ACTL8: variants seen among roughly 807,000 people sequenced by gnomAD.
The protein encoded by ACTL8 is actin like 8, also known as actin-like protein 8.
In ACTL8, 3 loss-of-function variants were observed where a neutral mutation model predicts 9.3. The observed-to-expected ratio is 0.32, with a 90% confidence interval of 0.15 to 0.83. ACTL8 has a LOEUF of 0.83. ACTL8 is among the 40% of genes least tolerant of loss of function. The pLI is 0.57. For synonymous variants in ACTL8, 224 were observed against 205.9 expected, an observed-to-expected ratio of 1.09 and a Z score of -0.75; for missense variants, 381 against 492.2, an observed-to-expected ratio of 0.77 and a Z score of 2.14.
chr1:17,775,698 T>C (rs1457805302), intron 1 of ACTL8, among the ~76,000 whole-genome samples: 2 of 152,170 alleles, frequency 1.3e-5, no homozygotes, highest in Admixed American at 6.5e-5. Flanking sequence ...CTTGAAACGC[T>C]CTTGAGCTTT....
At chr1:17,825,145 C>A (rs2053703445) in intron 2 of ACTL8, among the ~76,000 whole-genome samples, 1 of 152,110 alleles carries the variant, frequency 6.6e-6, no homozygotes, top group Admixed American at 6.5e-5. Context: ...GGGACTCTGG[C>A]AAACCCTAAA....
intron 1 of ACTL8, among the ~76,000 whole-genome samples, chr1:17,808,581 C>A (rs1211637757): frequency 6.6e-6 from 1 of 152,172 alleles, no homozygotes; most frequent in Non-Finnish European, 1.5e-5. Context: ...TGATACTATG[C>A]CCTCATCATT....
At position 17,800,583 on chromosome 1, in the gene ACTL8, CTTTTTTTT is replaced by C. The variant is rs59143238; in HGVS notation, c.-24-22382_-24-22375del. Among the ~76,000 whole-genome samples, 496 of 69,134 alleles carry C rather than the reference CTTTTTTTT, an allele frequency of 7.2e-3. 7 individuals are homozygous for C. The highest frequency in any genetic ancestry group is 0.029 in the African/African-American group (452 of 15,464). The allele number at this position is 69,134 out of a possible 152,430, so 45.4% of individuals were successfully genotyped here. A position where few individuals can be genotyped will look rare whatever the true frequency, so the allele number is the denominator to read the frequency against. The stretch of plus-strand genomic sequence containing the variant: ...CAAACTTCCTTGCCTTGGTGTCAAT[CTTTTTTTT>C]TTTTTTTTTTTTTTTTTTTGAGACA... On this transcript the variant is annotated intron_variant, in intron 1 of 2. Coordinates refer to ENST00000375406, the MANE Select transcript of ACTL8 (RefSeq NM_030812.3).
chr1:17,783,608 G>T (rs1407482144), intron 1 of ACTL8, among the ~76,000 whole-genome samples: 1 of 152,156 alleles, frequency 6.6e-6, no homozygotes, highest in Non-Finnish European at 1.5e-5. Flanking sequence ...TGGCCTCCTT[G>T]TGTGTCCCTG....
At chr1:17,818,596 G>A (rs531696970) in intron 1 of ACTL8, among the ~76,000 whole-genome samples, 1 of 152,320 alleles carries the variant, frequency 6.6e-6, no homozygotes, top group South Asian at 2.1e-4. Flanking sequence ...CAGGGCCTTT[G>A]CACTTGTTGT....
At chr1:17,757,436 G>C (rs1028597926) in intron 1 of ACTL8, among the ~76,000 whole-genome samples, 3 of 152,148 alleles carry the variant, frequency 2.0e-5, no homozygotes, top group Non-Finnish European at 4.4e-5. Flanking sequence ...GTTGGACTCT[G>C]ATGAAACTGA....
Position 17,826,241 on chromosome 1 carries a change from GC to G in ACTL8, c.825del (p.Ile276LeufsTer20). Reference protein sequence around the residue: ...FEQPGPSIPRAIVESVESCEI... With the variant: ...FEQPGPSIPRXIVESVESCEI... ...GCAGCCGGGGCCCAGCATCCCACGGGCCATTGTGGAATCCGTGGAGTCCTGC... is the reference window on the plus strand; with the variant it reads ...GCAGCCGGGGCCCAGCATCCCACGGGCATTGTGGAATCCGTGGAGTCCTGC... On this transcript the variant is annotated frameshift_variant, in exon 3 of 3. Coordinates refer to ENST00000375406, the MANE Select transcript of ACTL8 (RefSeq NM_030812.3). LOFTEE classifies it low-confidence loss of function (END_TRUNC). The surrounding 1 kb of genome is among the most constrained non-coding windows in gnomAD (Gnocchi z 4.5). 6.2e-7 allele frequency: 1 copy of G among 1,613,376 alleles called. No homozygotes were observed. Among genetic ancestry groups the G allele is most frequent in the Middle Eastern group, 1.7e-4 (1 of 6,056 alleles).
intron 1 of ACTL8, among the ~76,000 whole-genome samples, chr1:17,794,449 C>T (rs769803246): frequency 6.6e-6 from 1 of 152,184 alleles, no homozygotes; most frequent in African/African-American, 2.4e-5. Context: ...ATCAGTTACA[C>T]CATCCCCTCT....
intron 1 of ACTL8, among the ~76,000 whole-genome samples, chr1:17,805,509 G>A (rs1416878337): frequency 6.7e-6 from 1 of 149,524 alleles, no homozygotes; most frequent in South Asian, 2.1e-4. Flanking sequence ...AGCCTCCCAA[G>A]TAGCTGGCCT....
intron 1 of ACTL8, among the ~76,000 whole-genome samples, chr1:17,815,707 C>T (rs2066422056): frequency 6.6e-6 from 1 of 152,144 alleles, no homozygotes; most frequent in Non-Finnish European, 1.5e-5. Context: ...TTGTCTTTGA[C>T]CAAATTTGGG....
intron 1 of ACTL8, among the ~76,000 whole-genome samples, chr1:17,763,330 C>G (rs1293595529): frequency 1.3e-5 from 2 of 151,740 alleles, no homozygotes; most frequent in Admixed American, 1.3e-4. Context: ...ACCTCGCTTT[C>G]AGACCGTAGA....
At chr1:17,758,991 C>T (rs1163575204) in intron 1 of ACTL8, among the ~76,000 whole-genome samples, 2 of 152,154 alleles carry the variant, frequency 1.3e-5, no homozygotes, top group Non-Finnish European at 2.9e-5. Context: ...ATGACGACTC[C>T]TGGGCCTATT....
At chr1:17,817,140 A>G (rs2066431207) in intron 1 of ACTL8, among the ~76,000 whole-genome samples, 1 of 148,696 alleles carries the variant, frequency 6.7e-6, no homozygotes, top group Admixed American at 6.7e-5. Flanking sequence ...AAGGAGGCTT[A>G]CTTCATCCTG....
At chr1:17,757,509 G>A (rs991261731) in intron 1 of ACTL8, among the ~76,000 whole-genome samples, 2 of 119,978 alleles carry the variant, frequency 1.7e-5, no homozygotes, top group Non-Finnish European at 3.2e-5. Context: ...TTATCAAGTG[G>A]AAATACCTTT....
chr1:17,795,662 A>G (rs544671412), intron 1 of ACTL8, among the ~76,000 whole-genome samples: 1 of 152,340 alleles, frequency 6.6e-6, no homozygotes, highest in Admixed American at 6.5e-5. Flanking sequence ...GGGAGGCAGT[A>G]AAACTGAAAT....
chr1:17,826,071 TG>T lies in ACTL8; in HGVS notation c.658del (p.Glu220ArgfsTer29). 2 of 1,607,744 alleles carry T rather than the reference TG, an allele frequency of 1.2e-6. No homozygotes were observed. ...AACAAGTGCTACGTGCCGCAGAATCTGGGGGAGGCCCTGGACTTTCGTGAGA... is the reference window on the plus strand; with the variant it reads ...AACAAGTGCTACGTGCCGCAGAATCTGGGGAGGCCCTGGACTTTCGTGAGA... ...QMNKCYVPQN[L>X]GEALDFRERQ... On this transcript the variant is annotated frameshift_variant, in exon 3 of 3. Transcript: ENST00000375406. LOFTEE classifies it low-confidence loss of function (END_TRUNC). The surrounding 1 kb of genome is among the most constrained non-coding windows in gnomAD (Gnocchi z 4.5).
intron 1 of ACTL8, among the ~76,000 whole-genome samples, chr1:17,814,653 C>G (rs1210498578): frequency 1.3e-5 from 2 of 151,888 alleles, no homozygotes; most frequent in African/African-American, 4.8e-5. Context: ...CAAAACAGGA[C>G]AATACATACC....
rs117079582 is a variant in ACTL8 at position 17,812,801 on chromosome 1, A to G, written c.-24-10184A>G. Among the ~76,000 whole-genome samples the G allele has an allele frequency of 3.4e-3, 514 of 152,034 alleles. 17 individuals carry two copies. In the East Asian group the frequency reaches 0.085, roughly 25 times the overall value. ...AGCCACCACACCTGGCCATCTCTCT[A>G]TTTAGGTTTTCTTTGATTTATTTCA... On this transcript the variant is annotated intron_variant, in intron 1 of 2. Coordinates refer to ENST00000375406, the MANE Select transcript of ACTL8 (RefSeq NM_030812.3).
chr1:17,815,842 C>T (rs2066423008), intron 1 of ACTL8, among the ~76,000 whole-genome samples: 3 of 152,152 alleles, frequency 2.0e-5, no homozygotes, highest in African/African-American at 7.2e-5. Context: ...AAGCTTTGCT[C>T]AGTAAATTTT....
Sources: gnomAD v4.1 joint callset for allele counts (sites outside exome capture counted in the v4.1 genomes callset) on GRCh38, gnomAD v4.1.1 for gene constraint, Gnocchi (gnomAD v3.1) non-coding constraint, MANE v1.5 for transcripts, NCBI Gene and HGNC (gene_info 2026-07-23, HGNC 2026-07-21) for gene names.